BTN2A2: variants seen among roughly 807,000 people sequenced by gnomAD.
The protein encoded by BTN2A2 is butyrophilin 2.
Under a neutral mutation model 34.7 loss-of-function variants are expected in BTN2A2, and 29 were observed. That is an observed-to-expected ratio of 0.84 (90% CI 0.62 to 1.14). BTN2A2 has a LOEUF of 1.14. BTN2A2 is among the 50% of genes most tolerant of loss of function. The pLI, the probability that BTN2A2 is intolerant of heterozygous loss-of-function variation, is 0.00. For synonymous variants in BTN2A2, 240 were observed against 253.1 expected (o/e 0.95, Z 0.49); for missense variants, 612 against 651.5 (o/e 0.94, Z 0.66).
rs551977089 is a variant in BTN2A2 at position 26,383,129 on chromosome 6, G to A, written c.-83G>A. 3 of 152,670 alleles carry A rather than the reference G, an allele frequency of 2.0e-5. No individual in the cohort carries two copies. The highest frequency in any genetic ancestry group is 2.0e-4 in the South Asian group (1 of 4,884). 9.5% of individuals were successfully genotyped at this position (152,670 alleles called of 1,614,324 possible). A position where few individuals can be genotyped will look rare whatever the true frequency, so the allele number is the denominator to read the frequency against. On this transcript the variant is annotated 5_prime_UTR_variant, in exon 1 of 8. Transcript: ENST00000356709. This position sits in a 1 kb window ranked among gnomAD's most constrained non-coding sequence, Gnocchi z 4.4. The stretch of plus-strand genomic sequence containing the variant: ...TCTTGGGACTTTTTGGACACCCAGA[G>A]AACAGGTCCCAGATACCGAGTCCGC...
chr6:26,383,688 G>C lies in BTN2A2; in HGVS notation c.-30-104G>C, dbSNP rs1019643324. 2 of 831,332 alleles carry C rather than the reference G, an allele frequency of 2.4e-6. No homozygotes were observed. Among genetic ancestry groups the C allele is most frequent in the Non-Finnish European group, 4.0e-6 (2 of 500,872 alleles). 51.5% of individuals were successfully genotyped at this position (831,332 alleles called of 1,614,324 possible). A position where few individuals can be genotyped will look rare whatever the true frequency, so the allele number is the denominator to read the frequency against. ...CTTGAGATGCAAGCGACTCCCAGAA[G>C]TTGGGGCACCGATGAGACCTACTTG... On this transcript the variant is annotated intron_variant, in intron 1 of 7. Transcript: ENST00000356709. The surrounding 1 kb of genome is among the most constrained non-coding windows in gnomAD (Gnocchi z 4.4).
rs1460776745 is a variant in BTN2A2 at position 26,383,128 on chromosome 6, A to C, written c.-84A>C. The C allele has an allele frequency of 6.6e-6, 1 of 152,538 alleles. No homozygotes were observed. The highest frequency in any genetic ancestry group is 6.5e-5 in the Admixed American group (1 of 15,296). 9.4% of individuals were successfully genotyped at this position (152,538 alleles called of 1,614,324 possible). A position where few individuals can be genotyped will look rare whatever the true frequency, so the allele number is the denominator to read the frequency against. ...ATCTTGGGACTTTTTGGACACCCAG[A>C]GAACAGGTCCCAGATACCGAGTCCG... On this transcript the variant is annotated 5_prime_UTR_variant, in exon 1 of 8. Coordinates refer to ENST00000356709, the MANE Select transcript of BTN2A2 (RefSeq NM_006995.5). The surrounding 1 kb of genome is among the most constrained non-coding windows in gnomAD (Gnocchi z 4.4).
intron 7 of BTN2A2, 160 bp downstream of exon 7, chr6:26,390,989 TCTTCTGTCA>T: frequency 2.7e-6 from 3 of 1,095,736 alleles, no homozygotes; most frequent in Non-Finnish European, 4.1e-6. Context: ...GCATCATGGC[TCTTCTGTCA>T]GGGAACCCCA....
rs746323893 is a variant in BTN2A2 at position 26,390,014 on chromosome 6, T to C, written c.734T>C (p.Met245Thr). 29 of 1,613,332 alleles carry C rather than the reference T, an allele frequency of 1.8e-5. No homozygotes were observed. Among genetic ancestry groups the C allele is most frequent in the Non-Finnish European group, 2.5e-5 (29 of 1,179,746 alleles). Residue 245 changes from methionine to threonine, a missense_variant, in exon 5 of 8, where the codon ATG becomes ACG. Met to Thr is a moderately conservative substitution (Grantham distance 81, BLOSUM62 -1). Transcript: ENST00000356709. The part of the protein sequence containing the change: ...ETVIFIPESF[M>T]PSASPWMVAL... Reference sequence around the variant, plus strand: ...CTGGCTGCCTTTTCAGAATCCTTTATGCCCAGCGCATCTCCCTGGATGGTG... The same window carrying C: ...CTGGCTGCCTTTTCAGAATCCTTTACGCCCAGCGCATCTCCCTGGATGGTG...
chr6:26,387,998 G>C lies in BTN2A2; in HGVS notation c.443-15G>C. On this transcript the variant is annotated splice_polypyrimidine_tract_variant and intron_variant, in intron 3 of 7. Coordinates refer to ENST00000356709, the MANE Select transcript of BTN2A2 (RefSeq NM_006995.5). ...TACCACTGCCTTTTGGCTGAGCCCT[G>C]GTCTCCCTTTCCAGGCCTTGGGTCT... The C allele has an allele frequency of 6.2e-7, 1 of 1,603,228 alleles. No homozygotes were observed. Among genetic ancestry groups the C allele is most frequent in the Non-Finnish European group, 8.5e-7 (1 of 1,172,748 alleles).
rs1761099017 is a variant in BTN2A2 at position 26,385,067 on chromosome 6, A to G, written c.147A>G (p.Glu49=). The G allele has an allele frequency of 6.2e-7, 1 of 1,613,854 alleles. No homozygotes were observed. Among genetic ancestry groups the G allele is most frequent in the African/African-American group, 1.3e-5 (1 of 74,908 alleles). Residue 49 remains glutamate, a synonymous_variant, in exon 3 of 8, where the codon GAA becomes GAG. Coordinates refer to ENST00000356709, the MANE Select transcript of BTN2A2 (RefSeq NM_006995.5). ...PANPILAMVG[E]NTTLRCHLSP... is the part of the protein sequence containing the mutation. ...ATCCCATCCTGGCCATGGTGGGAGA[A>G]AACACTACATTACGCTGCCATCTGT... is the stretch of plus-strand genomic sequence containing the variant.
intron 3 of BTN2A2, among the ~76,000 whole-genome samples, chr6:26,386,910 A>C (rs892928448): frequency 1.3e-5 from 2 of 152,210 alleles, no homozygotes; most frequent in Non-Finnish European, 2.9e-5. Flanking sequence ...CTCCTGACAA[A>C]AATTAAACAG....
chr6:26,388,128 C>T lies in BTN2A2; in HGVS notation c.558C>T (p.Tyr186=), dbSNP rs200834687. Residue 186 remains tyrosine (Y), a synonymous_variant, in exon 4 of 8, where the codon TAC becomes TAT. Coordinates refer to ENST00000356709, the MANE Select transcript of BTN2A2 (RefSeq NM_006995.5). ...PEPLTVWRDP[Y]GEVVPALKEV... ...CCCTCACAGTGTGGAGGGACCCCTACGGTGAGGTTGTGCCCGCCCTGAAGG... is the reference window on the plus strand; with the variant it reads ...CCCTCACAGTGTGGAGGGACCCCTATGGTGAGGTTGTGCCCGCCCTGAAGG... 34 of 1,614,136 alleles carry T rather than the reference C, an allele frequency of 2.1e-5. 1 individual carries two copies. The highest frequency in any genetic ancestry group is 1.6e-4 in the Middle Eastern group (1 of 6,062).
At chr6:26,391,264 C>T (rs1377688099) in intron 7 of BTN2A2, 2 of 222,398 alleles carry the variant, frequency 9.0e-6, no homozygotes, top group Non-Finnish European at 1.8e-5. Flanking sequence ...CCCAGTAAGC[C>T]TGATGCAATG....
At position 26,384,952 on chromosome 6, in the gene BTN2A2, T is replaced by G; in HGVS notation, c.95-63T>G. On this transcript the variant is annotated intron_variant, in intron 2 of 7. Coordinates refer to ENST00000356709, the MANE Select transcript of BTN2A2 (RefSeq NM_006995.5). The surrounding 1 kb of genome is among the most constrained non-coding windows in gnomAD (Gnocchi z 4.0). The stretch of plus-strand genomic sequence containing the variant: ...TGTTTGTTTGTTTTTGTTTTTTGTT[T>G]TTTGTTTTGCCTTAGAGTTGTGATA... 6.6e-7 allele frequency: 1 copy of G among 1,504,910 alleles called. No homozygotes were observed. Among genetic ancestry groups the G allele is most frequent in the Non-Finnish European group, 9.0e-7 (1 of 1,115,216 alleles). 93.2% of individuals were successfully genotyped at this position (1,504,910 alleles called of 1,614,324 possible).
chr6:26,385,480 C>T, intron 3 of BTN2A2, 118 bp downstream of exon 3: 2 of 1,021,204 alleles, frequency 2.0e-6, no homozygotes, highest in South Asian at 3.4e-5. Context: ...CCCCTTTCCA[C>T]AGAGAAAGTG....
In BTN2A2 at chr6:26,383,774, C is replaced by T. The variant is rs1450732040; in HGVS notation, c.-30-18C>T. 2 of 1,579,686 alleles carry T rather than the reference C, an allele frequency of 1.3e-6. No individual in the cohort carries two copies. The highest frequency in any genetic ancestry group is 1.7e-5 in the Admixed American group (1 of 59,952). ...GTGCCAAGACTCCTAGGCTGATTCT[C>T]CTCCTCTGTAACCCTAGGCCTCTGG... is the stretch of plus-strand genomic sequence containing the variant. On this transcript the variant is annotated intron_variant, in intron 1 of 7. Coordinates refer to ENST00000356709, the MANE Select transcript of BTN2A2 (RefSeq NM_006995.5). The surrounding 1 kb of genome is among the most constrained non-coding windows in gnomAD (Gnocchi z 4.4).
rs1257029665 is a variant in BTN2A2 at position 26,394,127 on chromosome 6, A to G, written c.*1160A>G. 3.5e-6 allele frequency: 2 copies of G among 566,388 alleles called. No individual in the cohort carries two copies. Among genetic ancestry groups the G allele is most frequent in the Non-Finnish European group, 3.1e-6 (1 of 318,006 alleles). 35.1% of individuals were successfully genotyped at this position (566,388 alleles called of 1,614,324 possible). On this transcript the variant is annotated 3_prime_UTR_variant, in exon 8 of 8. Coordinates refer to ENST00000356709, the MANE Select transcript of BTN2A2 (RefSeq NM_006995.5). Reference sequence around the variant, plus strand: ...AAAAAAACTTTACTGCACACTACTGAGAGAATGAGATGAAAAACGATTAAT... The same window carrying G: ...AAAAAAACTTTACTGCACACTACTGGGAGAATGAGATGAAAAACGATTAAT...
In BTN2A2 at chr6:26,394,829, T is replaced by G. The variant is rs1251439463; in HGVS notation, c.*1862T>G. 6.6e-6 allele frequency: 1 copy of G among 152,572 alleles called. No homozygotes were observed. Among genetic ancestry groups the G allele is most frequent in the Non-Finnish European group, 1.5e-5 (1 of 68,306 alleles). The allele number at this position is 152,572 out of a possible 1,614,324, so 9.5% of individuals were successfully genotyped here. ...ATATCTATATCTATATCATATTGAT[T>G]TTGTCTCTCTGGAGAACCCTGACTA... On this transcript the variant is annotated 3_prime_UTR_variant, in exon 8 of 8. Transcript: ENST00000356709.
rs1173795209 is a variant in BTN2A2 at position 26,388,092 on chromosome 6, G to T, written c.522G>T (p.Trp174Cys). ...GGCTGGAGTGCATATCTGGAGGGTG[G>T]TACCCAGAGCCCCTCACAGTGTGGA... is the stretch of plus-strand genomic sequence containing the variant. ...SIWLECISGGWYPEPLTVWRD... is the reference protein window; with the variant it reads ...SIWLECISGGCYPEPLTVWRD... The change falls in exon 4 of 8, where the codon TGG becomes TGT. Residue 174 changes from tryptophan (W) to cysteine (C), a missense_variant. Coordinates refer to ENST00000356709, the MANE Select transcript of BTN2A2 (RefSeq NM_006995.5). 2 of 1,613,944 alleles carry T rather than the reference G, an allele frequency of 1.2e-6. No homozygotes were observed. The highest frequency in any genetic ancestry group is 1.7e-5 in the Admixed American group (1 of 59,994).
At chr6:26,386,736 G>T (rs1302684165) in intron 3 of BTN2A2, among the ~76,000 whole-genome samples, 3 of 152,150 alleles carry the variant, frequency 2.0e-5, no homozygotes. Context: ...TTGTTGGATT[G>T]GTTGGTGGCT....
rs559021444 is a variant in BTN2A2 at position 26,392,816 on chromosome 6, C to T, written c.1421C>T (p.Ser474Leu). The T allele has an allele frequency of 1.2e-6, 2 of 1,614,104 alleles. No homozygotes were observed. Among genetic ancestry groups the T allele is most frequent in the East Asian group, 2.2e-5 (1 of 44,904 alleles). The change falls in exon 8 of 8, where the codon TCA (serine) becomes TTA (leucine). Residue 474 changes from serine (S) to leucine (L), a missense_variant. Transcript: ENST00000356709. Reference sequence around the variant, plus strand: ...TCGCACATCTACACATGTCCCCGTTCAGCCTTTACTGTGCCTGTGAGGCCC... The same window carrying T: ...TCGCACATCTACACATGTCCCCGTTTAGCCTTTACTGTGCCTGTGAGGCCC... The part of the protein sequence containing the change: ...DRSHIYTCPR[S>L]AFTVPVRPFF...
rs1179926645 is a variant in BTN2A2 at position 26,384,919 on chromosome 6, G to A, written c.95-96G>A. The A allele has an allele frequency of 1.6e-6, 2 of 1,286,194 alleles. No individual in the cohort carries two copies. Among genetic ancestry groups the A allele is most frequent in the Non-Finnish European group, 2.1e-6 (2 of 945,434 alleles). 79.7% of individuals were successfully genotyped at this position (1,286,194 alleles called of 1,614,324 possible). ...ATATCTGCTTCCTTTCATCCCTGGA[G>A]TTTTTTTTGTTTGTTTGTTTTTGTT... On this transcript the variant is annotated intron_variant, in intron 2 of 7. Transcript: ENST00000356709. This position sits in a 1 kb window ranked among gnomAD's most constrained non-coding sequence, Gnocchi z 4.0.
rs1238578468 is a variant in BTN2A2, at chr6:26,383,300, G to T, written c.-31+119G>T. 12 of 156,150 alleles carry T rather than the reference G, an allele frequency of 7.7e-5. No homozygotes were observed. The highest frequency in any genetic ancestry group is 1.3e-4 in the Non-Finnish European group (9 of 71,282). The allele number at this position is 156,150 out of a possible 1,614,324, so 9.7% of individuals were successfully genotyped here. On this transcript the variant is annotated intron_variant, in intron 1 of 7. Transcript: ENST00000356709. This position sits in a 1 kb window ranked among gnomAD's most constrained non-coding sequence, Gnocchi z 4.4. ...GATCAGAGGGGAAAAGAAAACAGAG[G>T]TTAGTTCTAGAAGGTAGGAAAGGGA...
Sources: allele counts gnomAD v4.1 joint callset (sites outside exome capture counted in the v4.1 genomes callset), GRCh38; gene constraint gnomAD v4.1.1; non-coding constraint Gnocchi (gnomAD v3.1); transcripts MANE v1.5; gene names NCBI Gene and HGNC (gene_info 2026-07-23, HGNC 2026-07-21).